Variants in ZBTB20 observed in about 807,000 individuals in gnomAD.
ZBTB20 encodes the protein zinc finger and BTB domain containing 20.
ZBTB20 carries 9 observed loss-of-function variants against 56.9 expected under a neutral mutation model. The observed-to-expected ratio is 0.16, with a 90% CI of 0.10 to 0.28. The LOEUF (loss-of-function observed/expected upper bound fraction) is 0.28. Among genes scored for constraint, ZBTB20 ranks in the 10% least tolerant of loss-of-function variants. The probability of loss-of-function intolerance (pLI) is 1.00; values close to 1 mark genes in which losing one functional copy is unlikely to be tolerated. For synonymous variants in ZBTB20, 417 were observed against 420.7 expected (o/e 0.99, Z 0.11); for missense variants, 655 against 1,003.0 (o/e 0.65, Z 4.69).
At chr3:114,987,180 T>A (rs760531340) in intron 2 of ZBTB20, among the ~76,000 whole-genome samples, 2 of 152,152 alleles carry the variant, frequency 1.3e-5, no homozygotes, top group Admixed American at 1.3e-4. Flanking sequence ...TCAGTTTGAT[T>A]CAGTATTCAA....
chr3:114,541,496 T>C (rs1249505940), intron 6 of ZBTB20, among the ~76,000 whole-genome samples: 1 of 152,156 alleles, frequency 6.6e-6, no homozygotes, highest in Non-Finnish European at 1.5e-5. Context: ...TTTTTTAAAC[T>C]ACAATGCCCT....
rs944270590 is a variant in ZBTB20 at position 114,426,207 on chromosome 3, C to T, written c.-254-37102G>A. Reference sequence around the variant, plus strand: ...AAACAAAATTAGCTGGGCGTGGTGGCGGGCGCCTGTAGTCCCAGCTACTTG... The same window carrying T: ...AAACAAAATTAGCTGGGCGTGGTGGTGGGCGCCTGTAGTCCCAGCTACTTG... On this transcript the variant is annotated intron_variant, in intron 7 of 11. Coordinates refer to ENST00000675478, the MANE Select transcript of ZBTB20 (RefSeq NM_001348800.3). 3.9e-5 allele frequency among the ~76,000 whole-genome samples: 6 copies of T among 151,970 alleles called. No individual in the cohort carries two copies. The East Asian group carries it at 7.8e-4, about 20-fold the overall frequency.
intron 6 of ZBTB20, among the ~76,000 whole-genome samples, chr3:114,515,195 G>C (rs1273432032): frequency 6.6e-6 from 1 of 152,176 alleles, no homozygotes; most frequent in Non-Finnish European, 1.5e-5. Context: ...CAGAAAACAA[G>C]TACTCTACTT....
At chr3:114,602,426 T>C (rs2056829650) in intron 6 of ZBTB20, among the ~76,000 whole-genome samples, 1 of 152,058 alleles carries the variant, frequency 6.6e-6, no homozygotes, top group African/African-American at 2.4e-5. Context: ...ACACATCTTT[T>C]AAGGCTCACT....
At chr3:114,746,787 G>C (rs1367248772) in intron 5 of ZBTB20, among the ~76,000 whole-genome samples, 2 of 152,132 alleles carry the variant, frequency 1.3e-5, no homozygotes, top group Admixed American at 1.3e-4. Flanking sequence ...TGGTATGATT[G>C]GGATTATAAC....
intron 7 of ZBTB20, among the ~76,000 whole-genome samples, chr3:114,405,439 A>T (rs1234364914): frequency 2.0e-5 from 3 of 152,200 alleles, no homozygotes; most frequent in Non-Finnish European, 1.5e-5. Flanking sequence ...CGGTCTTATC[A>T]TCAACAGCTT....
intron 6 of ZBTB20, among the ~76,000 whole-genome samples, chr3:114,671,660 G>A (rs778536672): frequency 9.9e-5 from 15 of 151,318 alleles, no homozygotes; most frequent in Non-Finnish European, 1.3e-4. Context: ...GGTCTGTTCA[G>A]TGACTGGGAA....
At chr3:114,458,351 G>T (rs181913166) in intron 7 of ZBTB20, among the ~76,000 whole-genome samples, 68 of 152,150 alleles carry the variant, frequency 4.5e-4, no homozygotes, top group African/African-American at 1.6e-3. Context: ...ATCATTTAGG[G>T]TGCTTTTTTT....
chr3:114,650,725 T>G (rs1468430416), intron 6 of ZBTB20, among the ~76,000 whole-genome samples: 2 of 151,970 alleles, frequency 1.3e-5, no homozygotes, highest in Non-Finnish European at 2.9e-5. Flanking sequence ...ATCTTAAAGC[T>G]GTCTAAGTAT....
At chr3:114,829,682 A>G (rs1240748257) in intron 4 of ZBTB20, among the ~76,000 whole-genome samples, 2 of 151,898 alleles carry the variant, frequency 1.3e-5, no homozygotes, top group East Asian at 3.9e-4. Flanking sequence ...GGGAGATGCA[A>G]GTATAACTTC....
chr3:114,951,843 G>C (rs938813745), intron 3 of ZBTB20, among the ~76,000 whole-genome samples: 1 of 152,024 alleles, frequency 6.6e-6, no homozygotes, highest in African/African-American at 2.4e-5. Context: ...TGTTGGAATT[G>C]TTTGACAAAA....
rs1351833054 is a variant in ZBTB20 at position 115,074,804 on chromosome 3, G to A, written c.-702-3390C>T. 2.0e-5 allele frequency among the ~76,000 whole-genome samples: 3 copies of A among 152,132 alleles called. No individual in the cohort carries two copies. In the East Asian group the frequency reaches 5.8e-4, roughly 29 times the overall value. On this transcript the variant is annotated intron_variant, in intron 1 of 11. Transcript: ENST00000675478. ...TATCTAGGGTCACACTAATAGTGAG[G>A]AGTGGAGCTGGGCCTCTGATAGGAA...
intron 2 of ZBTB20, among the ~76,000 whole-genome samples, chr3:115,014,297 T>C (rs1012077391): frequency 6.6e-6 from 1 of 151,584 alleles, no homozygotes; most frequent in African/African-American, 2.4e-5. Flanking sequence ...GAAGTGGGGA[T>C]GGTTAATGGG....
intron 5 of ZBTB20, among the ~76,000 whole-genome samples, chr3:114,778,655 C>T (rs1331432520): frequency 6.6e-6 from 1 of 152,102 alleles, no homozygotes; most frequent in African/African-American, 2.4e-5. Context: ...CTAGATCAAT[C>T]AGCAAATGAG....
intron 2 of ZBTB20, among the ~76,000 whole-genome samples, chr3:115,028,096 T>G (rs2080500891): frequency 6.6e-6 from 1 of 150,908 alleles, no homozygotes. Flanking sequence ...ATAGTCATCA[T>G]GTTGTACAAC....
At chr3:114,654,946 T>G (rs1196449366) in intron 6 of ZBTB20, among the ~76,000 whole-genome samples, 1 of 152,198 alleles carries the variant, frequency 6.6e-6, no homozygotes, top group Non-Finnish European at 1.5e-5. Flanking sequence ...TTTGTAATAT[T>G]AATATTCCAA....
chr3:114,547,805 A>T (rs2050072302), intron 6 of ZBTB20, among the ~76,000 whole-genome samples: 1 of 152,220 alleles, frequency 6.6e-6, no homozygotes, highest in Admixed American at 6.5e-5. Context: ...AAGAAAACAT[A>T]AAAAAGTTCT....
chr3:115,122,607 A>G (rs546493680), intron 1 of ZBTB20, among the ~76,000 whole-genome samples: 116 of 152,080 alleles, frequency 7.6e-4, no homozygotes, highest in Non-Finnish European at 1.3e-3. Context: ...CAGTGCCTTT[A>G]TTTGTCCTGC....
intron 1 of ZBTB20, among the ~76,000 whole-genome samples, chr3:115,073,896 T>G (rs1302787671): frequency 3.3e-5 from 5 of 152,080 alleles, no homozygotes; most frequent in African/African-American, 1.2e-4. Context: ...TCCCAAAATT[T>G]TATGCTAAAA....
Sources: gnomAD v4.1 joint callset for allele counts (sites outside exome capture counted in the v4.1 genomes callset) on GRCh38, gnomAD v4.1.1 for gene constraint, MANE v1.5 for transcripts, NCBI Gene and HGNC (gene_info 2026-07-23, HGNC 2026-07-21) for gene names.